The following ZCCHC7 variants were observed in gnomAD, a reference collection of about 807,000 sequenced individuals.
ZCCHC7 encodes zinc finger CCHC-type containing 7.
A neutral mutation model predicts 52.0 loss-of-function variants in ZCCHC7; 35 were observed. The ratio of observed to expected loss-of-function variants is 0.67; its 90% CI spans 0.51 to 0.89. ZCCHC7 has a LOEUF of 0.89. Among genes scored for constraint, ZCCHC7 ranks in the 40% least tolerant of loss-of-function variants. The probability of loss-of-function intolerance (pLI) is 0.00; values close to 1 mark genes in which losing one functional copy is unlikely to be tolerated. For synonymous variants in ZCCHC7, 217 were observed against 221.5 expected (o/e 0.98, Z 0.18); for missense variants, 574 against 649.1 (o/e 0.88, Z 1.26).
intron 2 of ZCCHC7, among the ~76,000 whole-genome samples, chr9:37,185,056 C>T (rs2133068612): frequency 6.6e-6 from 1 of 151,970 alleles, no homozygotes. Flanking sequence ...TTTTCCTTAA[C>T]ATGTTGTCCC....
chr9:37,355,010 G>A (rs1821609880), intron 8 of ZCCHC7, among the ~76,000 whole-genome samples, 186 bp downstream of exon 8: 1 of 152,090 alleles, frequency 6.6e-6, no homozygotes, highest in Admixed American at 6.5e-5. Context: ...ATCCCATGTT[G>A]CAATCTCCTC....
At position 37,235,631 on chromosome 9, in the gene ZCCHC7, G is replaced by A. The variant is rs1250943507; in HGVS notation, c.611-66557G>A. On this transcript the variant is annotated intron_variant, in intron 2 of 8. Coordinates refer to ENST00000336755, the MANE Select transcript of ZCCHC7 (RefSeq NM_032226.3). ...CTTTCAAGACAAGTCTCACTCTGTC[G>A]CCAGGCTGGAGTGCAGTGACACAAT... Among the ~76,000 whole-genome samples, 5 of 145,022 alleles carry A rather than the reference G, an allele frequency of 3.4e-5. No individual in the cohort carries two copies. The Admixed American group carries it at 3.6e-4, about 10-fold the overall frequency.
chr9:37,179,175 TTTTAC>T (rs1294905874), intron 2 of ZCCHC7, among the ~76,000 whole-genome samples: 1 of 152,212 alleles, frequency 6.6e-6, no homozygotes, highest in African/African-American at 2.4e-5. Context: ...GTTTTTTCCC[TTTTAC>T]TTTAAAATGA....
intron 2 of ZCCHC7, among the ~76,000 whole-genome samples, chr9:37,263,760 C>A (rs1437525623): frequency 6.6e-6 from 1 of 152,130 alleles, no homozygotes; most frequent in Non-Finnish European, 1.5e-5. Flanking sequence ...GCTAGAATTT[C>A]TTTTCCTTTT....
chr9:37,167,428 A>G (rs1407958937), intron 2 of ZCCHC7, among the ~76,000 whole-genome samples: 1 of 151,964 alleles, frequency 6.6e-6, no homozygotes, highest in African/African-American at 2.4e-5. Flanking sequence ...TGGTCTTTCT[A>G]ATATCTTCCA....
intron 6 of ZCCHC7, among the ~76,000 whole-genome samples, chr9:37,337,356 C>T (rs1050274623): frequency 1.3e-5 from 2 of 149,142 alleles, no homozygotes; most frequent in Non-Finnish European, 3.0e-5. Context: ...TTTTGGTGCA[C>T]AGTCTGGGGC....
chr9:37,298,621 G>A (rs1828893355), intron 2 of ZCCHC7, among the ~76,000 whole-genome samples: 2 of 152,186 alleles, frequency 1.3e-5, no homozygotes, highest in African/African-American at 2.4e-5. Context: ...GTTGCCTCAG[G>A]TGGGGGATTG....
At chr9:37,294,327 T>A (rs1204112415) in intron 2 of ZCCHC7, among the ~76,000 whole-genome samples, 1 of 152,164 alleles carries the variant, frequency 6.6e-6, no homozygotes, top group Non-Finnish European at 1.5e-5. Flanking sequence ...GTGAGAAAGA[T>A]CCCAAGGGGT....
intron 2 of ZCCHC7, among the ~76,000 whole-genome samples, chr9:37,158,480 T>C (rs540386069): frequency 1.3e-5 from 2 of 152,108 alleles, no homozygotes; most frequent in Non-Finnish European, 2.9e-5. Context: ...GTGGGAACAG[T>C]GTGTAAGGAG....
intron 2 of ZCCHC7, among the ~76,000 whole-genome samples, chr9:37,241,303 T>C (rs987501900): frequency 1.3e-5 from 2 of 151,822 alleles, no homozygotes; most frequent in African/African-American, 4.8e-5. Context: ...TGAAAAGCTA[T>C]TTCTGACTTA....
At chr9:37,351,171 T>TA (rs1821355812) in intron 7 of ZCCHC7, among the ~76,000 whole-genome samples, 1 of 152,108 alleles carries the variant, frequency 6.6e-6, no homozygotes, top group African/African-American at 2.4e-5. Context: ...AGACATAACT[T>TA]ATGAAAGCCA....
chr9:37,187,754 C>T (rs146737257), intron 2 of ZCCHC7, among the ~76,000 whole-genome samples: 226 of 152,012 alleles, frequency 1.5e-3, no homozygotes, highest in African/African-American at 4.7e-3. Context: ...TCTTTTTGCC[C>T]TGTTTTGTGT....
In ZCCHC7 at chr9:37,357,357, T is replaced by G; in HGVS notation, c.*89T>G. 6 of 1,279,262 alleles carry G rather than the reference T, an allele frequency of 4.7e-6. No homozygotes were observed. The highest frequency in any genetic ancestry group is 6.3e-6 in the Non-Finnish European group (6 of 950,756). The allele number at this position is 1,279,262 out of a possible 1,614,324, so 79.2% of individuals were successfully genotyped here. On this transcript the variant is annotated 3_prime_UTR_variant, in exon 9 of 9. Coordinates refer to ENST00000336755, the MANE Select transcript of ZCCHC7 (RefSeq NM_032226.3). Reference sequence around the variant, plus strand: ...TGGCACTGTGTTTATTATCTATGATTAAATAAAGTGAGTTTTTGGTTTTGT... The same window carrying G: ...TGGCACTGTGTTTATTATCTATGATGAAATAAAGTGAGTTTTTGGTTTTGT...
intron 2 of ZCCHC7, among the ~76,000 whole-genome samples, chr9:37,172,517 T>C (rs1821784971): frequency 6.6e-6 from 1 of 152,194 alleles, no homozygotes; most frequent in African/African-American, 2.4e-5. Flanking sequence ...AGGCATTTCT[T>C]CTTAAAAATT....
At chr9:37,278,321 C>T (rs1464206072) in intron 2 of ZCCHC7, among the ~76,000 whole-genome samples, 2 of 151,968 alleles carry the variant, frequency 1.3e-5, no homozygotes, top group Admixed American at 1.3e-4. Flanking sequence ...AGAAATAAAA[C>T]TATAAAAGAG....
intron 2 of ZCCHC7, among the ~76,000 whole-genome samples, chr9:37,180,859 A>G (rs1822313794): frequency 6.6e-6 from 1 of 152,154 alleles, no homozygotes; most frequent in African/African-American, 2.4e-5. Context: ...GTGAGACTAT[A>G]TAAGATATTT....
At chr9:37,295,625 G>A (rs1162603246) in intron 2 of ZCCHC7, among the ~76,000 whole-genome samples, 1 of 152,144 alleles carries the variant, frequency 6.6e-6, no homozygotes, top group African/African-American at 2.4e-5. Context: ...GAGAGAACCT[G>A]AGTTGAGCTT....
intron 2 of ZCCHC7, among the ~76,000 whole-genome samples, chr9:37,211,363 T>C (rs1824204656): frequency 6.6e-6 from 1 of 152,090 alleles, no homozygotes; most frequent in Non-Finnish European, 1.5e-5. Flanking sequence ...GTTTGTTTGT[T>C]TTGGGGTTTT....
Position 37,357,495 on chromosome 9 carries a change from A to T in ZCCHC7, c.*227A>T, listed in dbSNP as rs1821783368. ...ACAAAGATAAACCTGGACTTCTCCT[A>T]TTCCAATATGTCATCTTTACTCAGA... On this transcript the variant is annotated 3_prime_UTR_variant, in exon 9 of 9. Coordinates refer to ENST00000336755, the MANE Select transcript of ZCCHC7 (RefSeq NM_032226.3). 2 of 331,782 alleles carry T rather than the reference A, an allele frequency of 6.0e-6. No homozygotes were observed. The highest frequency in any genetic ancestry group is 1.1e-5 in the Non-Finnish European group (2 of 185,180). The allele number at this position is 331,782 out of a possible 1,614,324, so 20.6% of individuals were successfully genotyped here. A position where few individuals can be genotyped will look rare whatever the true frequency, so the allele number is the denominator to read the frequency against.
Sources: gnomAD v4.1 joint callset for allele counts (sites outside exome capture counted in the v4.1 genomes callset) on GRCh38, gnomAD v4.1.1 for gene constraint, MANE v1.5 for transcripts, NCBI Gene and HGNC (gene_info 2026-07-23, HGNC 2026-07-21) for gene names.